KIF14: variants seen among roughly 807,000 people sequenced by gnomAD.
KIF14 encodes the protein kinesin-like protein KIF14.
Under a neutral mutation model 176.2 loss-of-function variants are expected in KIF14, and 98 were observed. The ratio of observed to expected loss-of-function variants is 0.56; its 90% CI spans 0.47 to 0.66. The LOEUF (loss-of-function observed/expected upper bound fraction) is 0.66, where lower values mean the gene tolerates loss of function less well. Among genes scored for constraint, KIF14 ranks in the 30% least tolerant of loss-of-function variants. KIF14 has a pLI of 0.00. For missense variants in KIF14, 1,751 were observed against 1,920.4 expected (o/e 0.91, Z 1.65); for synonymous variants, 566 against 632.2 (o/e 0.90, Z 1.57).
In KIF14 at chr1:200,596,293, C is replaced by T. The variant is rs936731529; in HGVS notation, c.2549+1944G>A. ...ATTCATTACAAAGCTCAAGTAATTA[C>T]GACCATGGGGTATTAGTAGGAAGAA... On this transcript the variant is annotated intron_variant, in intron 14 of 29. Transcript: ENST00000367350. Among the ~76,000 whole-genome samples, 6 of 152,090 alleles carry T rather than the reference C, an allele frequency of 3.9e-5. No individual in the cohort carries two copies. The East Asian group carries it at 5.8e-4, about 15-fold the overall frequency.
intron 21 of KIF14, among the ~76,000 whole-genome samples, chr1:200,578,529 C>T (rs1388203028): frequency 6.6e-6 from 1 of 151,370 alleles, no homozygotes; most frequent in African/African-American, 2.4e-5. Flanking sequence ...TCATACCTCT[C>T]ACAAAACACC....
rs10610890 is a variant in KIF14, at chr1:200,586,790, C to CATATAT, written c.3115-569_3115-564dup. 6.2e-4 allele frequency among the ~76,000 whole-genome samples: 80 copies of CATATAT among 128,330 alleles called. 1 individual carries two copies. The highest frequency in any genetic ancestry group is 2.8e-3 in the East Asian group (14 of 4,948). 84.2% of individuals were successfully genotyped at this position (128,330 alleles called of 152,430 possible). A position where few individuals can be genotyped will look rare whatever the true frequency, so the allele number is the denominator to read the frequency against. On this transcript the variant is annotated intron_variant, in intron 18 of 29. Transcript: ENST00000367350. The stretch of plus-strand genomic sequence containing the variant: ...AATATGGTGTATATATATATACATA[C>CATATAT]ATATATATATATATATATATATATA...
intron 18 of KIF14, among the ~76,000 whole-genome samples, chr1:200,588,527 C>T (rs1658879875): frequency 6.6e-6 from 1 of 152,170 alleles, no homozygotes; most frequent in African/African-American, 2.4e-5. Flanking sequence ...GTGTAAGCCA[C>T]CATGCCCGGC....
At position 200,618,619 on chromosome 1, in the gene KIF14, T is replaced by C. The variant is rs1256452213; in HGVS notation, c.105A>G (p.Arg35=). The C allele has an allele frequency of 6.2e-7, 1 of 1,614,002 alleles. No homozygotes were observed. The highest frequency in any genetic ancestry group is 8.5e-7 in the Non-Finnish European group (1 of 1,180,026). The change falls in exon 2 of 30, where the codon CGA becomes CGG. Residue 35 remains arginine, a synonymous_variant. Transcript: ENST00000367350. ...TATCCGACTTCAAATGCAGCTTAAG[T>C]CGGCTACTGTGGGTGAGGGCATTCA... The part of the protein sequence containing the change: ...SSLNALTHSS[R]LKLHLKSDMS...
At chr1:200,619,610 C>T (rs959018244) in intron 1 of KIF14, among the ~76,000 whole-genome samples, 1 of 152,210 alleles carries the variant, frequency 6.6e-6, no homozygotes, top group Non-Finnish European at 1.5e-5. Context: ...CTCGGCCTCC[C>T]AAAGTGCTGG....
chr1:200,564,645 C>T (rs6687711), intron 25 of KIF14, among the ~76,000 whole-genome samples: 28,649 of 152,072 alleles, frequency 0.19, 3,350 homozygotes, highest in African/African-American at 0.32. Flanking sequence ...TCTCTCTTCC[C>T]AGTATCCCTT....
At chr1:200,614,522 G>T in intron 3 of KIF14, 117 bp from the exon 4 acceptor site, 1 of 609,356 alleles carries the variant, frequency 1.6e-6, no homozygotes. Flanking sequence ...TCATAATTAA[G>T]AATCTGGACT....
At chr1:200,606,502 C>CATGGCAGACACTTTACAGGTACT (rs1172971247) in intron 6 of KIF14, among the ~76,000 whole-genome samples, 1 of 152,090 alleles carries the variant, frequency 6.6e-6, no homozygotes, top group Non-Finnish European at 1.5e-5. Context: ...ATGAATACTC[C>CATGGCAGACACTTTACAGGTACT]ATGGCAGACA....
Position 200,571,980 on chromosome 1 carries a change from T to C in KIF14, c.3567-1975A>G, listed in dbSNP as rs529326398. On this transcript the variant is annotated intron_variant, in intron 22 of 29. Transcript: ENST00000367350. ...TTTAAAGGCAGCCAAACCAGTCTATTTTATTGCAGAACGACTGTGGCATAT... is the reference window on the plus strand; with the variant it reads ...TTTAAAGGCAGCCAAACCAGTCTATCTTATTGCAGAACGACTGTGGCATAT... Among the ~76,000 whole-genome samples, 68 of 152,314 alleles carry C rather than the reference T, an allele frequency of 4.5e-4. 1 individual carries two copies. Among genetic ancestry groups the C allele is most frequent in the African/African-American group, 1.5e-3 (62 of 41,572 alleles).
At chr1:200,615,322 C>T in intron 3 of KIF14, 33 bp downstream of exon 3, 2 of 1,591,290 alleles carry the variant, frequency 1.3e-6, no homozygotes, top group East Asian at 2.2e-5. Context: ...TATTTAAACA[C>T]TTCTGGATAA....
At chr1:200,574,714 G>A (rs112387429) in intron 22 of KIF14, among the ~76,000 whole-genome samples, 1 of 152,082 alleles carries the variant, frequency 6.6e-6, no homozygotes, top group Non-Finnish European at 1.5e-5. Flanking sequence ...TATAATCTAA[G>A]CATCTGAGGT....
At chr1:200,581,066 A>G (rs757959848) in intron 20 of KIF14, 135 bp downstream of exon 20, 48 of 425,722 alleles carry the variant, frequency 1.1e-4, no homozygotes, top group Non-Finnish European at 1.9e-4. Context: ...GTGAGCCCAG[A>G]TTGCGCCACT....
At chr1:200,574,009 C>T (rs549549354) in intron 22 of KIF14, among the ~76,000 whole-genome samples, 216 of 152,284 alleles carry the variant, frequency 1.4e-3, no homozygotes, top group Non-Finnish European at 2.6e-3. Context: ...GGCTCTTCCT[C>T]GTAACAGCTC....
chr1:200,613,126 G>T (rs1402305952), intron 4 of KIF14, among the ~76,000 whole-genome samples: 1 of 152,034 alleles, frequency 6.6e-6, no homozygotes, highest in Non-Finnish European at 1.5e-5. Context: ...GACCTCAGGT[G>T]ATCTGCCCGC....
At chr1:200,618,891 AAT>A in intron 1 of KIF14, 53 bp from the exon 2 acceptor site, 1 of 579,080 alleles carries the variant, frequency 1.7e-6, no homozygotes, top group Non-Finnish European at 3.0e-6. Flanking sequence ...AAGCTTTAAA[AAT>A]ATAGAGAGAA....
chr1:200,579,531 C>A (rs1571499969), intron 21 of KIF14, among the ~76,000 whole-genome samples: 1 of 151,912 alleles, frequency 6.6e-6, no homozygotes, highest in East Asian at 1.9e-4. Context: ...ATCGCTTGAA[C>A]CCGGGAGGCG....
At position 200,590,276 on chromosome 1, in the gene KIF14, C is replaced by T. The variant is rs553112692; in HGVS notation, c.2814-4G>A. Reference sequence around the variant, plus strand: ...CTCTTTTATTTCTGCTTCAAGTCTACAATGTAGCAAGATGTTTATAGGGTA... The same window carrying T: ...CTCTTTTATTTCTGCTTCAAGTCTATAATGTAGCAAGATGTTTATAGGGTA... On this transcript the variant is annotated splice_region_variant and splice_polypyrimidine_tract_variant and intron_variant, in intron 16 of 29. Coordinates refer to ENST00000367350, the MANE Select transcript of KIF14 (RefSeq NM_014875.3). 4 of 1,610,234 alleles carry T rather than the reference C, an allele frequency of 2.5e-6. No homozygotes were observed. The South Asian group carries it at 4.4e-5, about 18-fold the overall frequency.
At chr1:200,577,155 C>CAAAAAAAAA (rs35218358) in intron 21 of KIF14, among the ~76,000 whole-genome samples, 1 of 137,636 alleles carries the variant, frequency 7.3e-6, no homozygotes. Context: ...ACTAAAAATA[C>CAAAAAAAAA]AAAAAAAAAA....
At chr1:200,611,310 A>G (rs970012440) in intron 4 of KIF14, among the ~76,000 whole-genome samples, 3 of 152,234 alleles carry the variant, frequency 2.0e-5, no homozygotes, top group African/African-American at 7.2e-5. Flanking sequence ...CTGTGGGAAA[A>G]TATGAGATGA....
Sources: allele counts gnomAD v4.1 joint callset (sites outside exome capture counted in the v4.1 genomes callset), GRCh38; gene constraint gnomAD v4.1.1; transcripts MANE v1.5; gene names NCBI Gene and HGNC (gene_info 2026-07-23, HGNC 2026-07-21).